TAFA1: variants seen among roughly 807,000 people sequenced by gnomAD.
TAFA1 encodes the protein chemokine-like protein TAFA-1.
TAFA1 carries 4 observed loss-of-function variants against 18.5 expected under a neutral mutation model. That is an observed-to-expected ratio of 0.22 (90% CI 0.11 to 0.49). TAFA1 has a LOEUF of 0.49. Ranked by LOEUF, TAFA1 falls within the 20% of genes least tolerant of loss-of-function variation. The pLI is 0.98. For synonymous variants in TAFA1, 56 were observed against 55.2 expected (o/e 1.01, Z -0.06); for missense variants, 147 against 169.0 (o/e 0.87, Z 0.72).
chr3:67,997,243 A>C, the TAFA1 span, among the ~76,000 whole-genome samples: 1 of 152,198 alleles, frequency 6.6e-6, no homozygotes, highest in Non-Finnish European at 1.5e-5. Flanking sequence ...AAATAAATCA[A>C]ATTTAATTTT....
intron 2 of TAFA1, among the ~76,000 whole-genome samples, chr3:68,021,563 G>A (rs1704690702): frequency 6.6e-6 from 1 of 152,124 alleles, no homozygotes; most frequent in African/African-American, 2.4e-5. Context: ...CCATCCCAAG[G>A]TATCATATGT....
At chr3:68,162,124 A>G (rs539580170) in intron 2 of TAFA1, among the ~76,000 whole-genome samples, 12 of 152,308 alleles carry the variant, frequency 7.9e-5, no homozygotes, top group African/African-American at 2.6e-4. Flanking sequence ...AAAGCCTGAT[A>G]ATAAATAGCA....
At chr3:68,071,186 C>T (rs760761037) in intron 2 of TAFA1, among the ~76,000 whole-genome samples, 3 of 152,222 alleles carry the variant, frequency 2.0e-5, no homozygotes, top group Non-Finnish European at 4.4e-5. Flanking sequence ...CTTACAGTTC[C>T]ATGTGGCTGA....
At chr3:68,299,871 C>G (rs1478399208) in intron 2 of TAFA1, among the ~76,000 whole-genome samples, 1 of 152,202 alleles carries the variant, frequency 6.6e-6, no homozygotes, top group Non-Finnish European at 1.5e-5. Flanking sequence ...CTTGTAGGTA[C>G]ACAAAAGTCA....
At chr3:68,064,138 G>A (rs555038051) in intron 2 of TAFA1, among the ~76,000 whole-genome samples, 1 of 152,294 alleles carries the variant, frequency 6.6e-6, no homozygotes, top group East Asian at 1.9e-4. Context: ...GAATGCTGCT[G>A]TGTAGCAAAC....
intron 2 of TAFA1, among the ~76,000 whole-genome samples, chr3:68,119,514 G>A (rs1003927071): frequency 4.0e-5 from 6 of 151,754 alleles, no homozygotes; most frequent in Admixed American, 1.3e-4. Flanking sequence ...TTAAGTTTAG[G>A]TCTTTGATCC....
chr3:68,544,077 G>A (rs1395744873), intron 4 of TAFA1, among the ~76,000 whole-genome samples: 3 of 152,042 alleles, frequency 2.0e-5, no homozygotes, highest in Non-Finnish European at 2.9e-5. Flanking sequence ...AAGGCCAGGT[G>A]CAAAATGAAA....
chr3:68,151,839 C>A, intron 2 of TAFA1, among the ~76,000 whole-genome samples: 1 of 152,174 alleles, frequency 6.6e-6, no homozygotes, highest in Non-Finnish European at 1.5e-5. Flanking sequence ...TTCCCCTGTT[C>A]TACACCAAAA....
chr3:68,022,300 T>A (rs1165895287), intron 2 of TAFA1, among the ~76,000 whole-genome samples: 1 of 152,192 alleles, frequency 6.6e-6, no homozygotes, highest in East Asian at 1.9e-4. Flanking sequence ...TCAAGAAAGT[T>A]GTCATCATAA....
chr3:68,084,935 C>G (rs2064953083), intron 2 of TAFA1, among the ~76,000 whole-genome samples: 1 of 152,048 alleles, frequency 6.6e-6, no homozygotes, highest in Non-Finnish European at 1.5e-5. Flanking sequence ...AATATCTGTC[C>G]TTATGTTAGA....
intron 2 of TAFA1, among the ~76,000 whole-genome samples, chr3:68,125,070 G>A (rs962033323): frequency 3.3e-5 from 5 of 152,222 alleles, no homozygotes; most frequent in Admixed American, 1.3e-4. Flanking sequence ...GAAGGTGGAA[G>A]AAATGCTCAG....
intron 2 of TAFA1, among the ~76,000 whole-genome samples, chr3:68,296,137 A>G (rs929740131): frequency 2.6e-5 from 4 of 152,204 alleles, no homozygotes; most frequent in African/African-American, 9.6e-5. Context: ...TCCTTGCTCT[A>G]GAGAATTGCC....
intron 3 of TAFA1, among the ~76,000 whole-genome samples, chr3:68,519,807 C>T (rs544672437): frequency 1.6e-4 from 24 of 152,218 alleles, no homozygotes; most frequent in South Asian, 4.2e-4. Context: ...CTTTCATGAC[C>T]GAATTACCTC....
At chr3:68,027,142 C>T (rs575993997) in intron 2 of TAFA1, among the ~76,000 whole-genome samples, 2 of 152,258 alleles carry the variant, frequency 1.3e-5, no homozygotes, top group African/African-American at 4.8e-5. Context: ...CAGGCCCCAC[C>T]TGCAACACTG....
chr3:68,270,827 T>A (rs920289785), intron 2 of TAFA1, among the ~76,000 whole-genome samples: 4 of 152,158 alleles, frequency 2.6e-5, no homozygotes, highest in African/African-American at 9.7e-5. Context: ...CAATTTAAAG[T>A]TTATTAATGA....
intron 3 of TAFA1, among the ~76,000 whole-genome samples, chr3:68,418,545 C>G (rs2070889690): frequency 6.6e-6 from 1 of 151,730 alleles, no homozygotes; most frequent in Admixed American, 6.6e-5. Flanking sequence ...GGCATATTCA[C>G]TTCTTTTGTG....
intron 2 of TAFA1, among the ~76,000 whole-genome samples, chr3:68,180,447 G>A (rs995123827): frequency 2.6e-5 from 4 of 152,130 alleles, no homozygotes; most frequent in Non-Finnish European, 5.9e-5. Context: ...GATACTGAAC[G>A]AGAACAGCAT....
In TAFA1 at chr3:68,097,938, C is replaced by A. The variant is rs2065106072; in HGVS notation, c.118+91194C>A. Among the ~76,000 whole-genome samples, 3 of 152,270 alleles carry A rather than the reference C, an allele frequency of 2.0e-5. 1 individual carries two copies. The highest frequency in any genetic ancestry group is 4.1e-4 in the South Asian group (2 of 4,826). ...CACGTAAATGAGAGTATAGATCCTA[C>A]TTCCACATTTGCCAGGCCTGAAAGT... On this transcript the variant is annotated intron_variant, in intron 2 of 4. Transcript: ENST00000478136.
At chr3:68,256,058 C>T (rs1269245039) in intron 2 of TAFA1, among the ~76,000 whole-genome samples, 3 of 152,052 alleles carry the variant, frequency 2.0e-5, no homozygotes, top group Non-Finnish European at 4.4e-5. Flanking sequence ...CAGAAAAGCG[C>T]ATTGAAATAC....
Sources: allele counts gnomAD v4.1 joint callset (sites outside exome capture counted in the v4.1 genomes callset), GRCh38; gene constraint gnomAD v4.1.1; transcripts MANE v1.5; gene names NCBI Gene and HGNC (gene_info 2026-07-23, HGNC 2026-07-21).